Variants in SSU72 observed in about 807,000 individuals in gnomAD.
The protein encoded by SSU72 is SSU72 homolog, RNA polymerase II CTD phosphatase.
A neutral mutation model predicts 22.7 loss-of-function variants in SSU72; 12 were observed. The observed-to-expected ratio is 0.53, with a 90% CI of 0.34 to 0.86. The LOEUF is 0.86. Ranked by LOEUF, SSU72 falls within the 40% of genes least tolerant of loss-of-function variation. The pLI is 0.02. For synonymous variants in SSU72, 116 were observed against 98.3 expected (o/e 1.18, Z -1.06); for missense variants, 151 against 249.8 (o/e 0.60, Z 2.67).
rs1374518695 is a variant in SSU72 at position 1,574,429 on chromosome 1, G to C, written c.80+49C>G. Reference sequence around the variant, plus strand: ...CCAGGGGGAACCGGGGAGGAGGGAGGGCCGGTCGCCGGAGCAGAGCGCGCG... The same window carrying C: ...CCAGGGGGAACCGGGGAGGAGGGAGCGCCGGTCGCCGGAGCAGAGCGCGCG... On this transcript the variant is annotated intron_variant, in intron 1 of 4. Coordinates refer to ENST00000291386, the MANE Select transcript of SSU72 (RefSeq NM_014188.3). The C allele has an allele frequency of 2.6e-6, 4 of 1,544,694 alleles. No homozygotes were observed. In the East Asian group the frequency reaches 1.0e-4, roughly 40 times the overall value.
At position 1,552,511 on chromosome 1, in the gene SSU72, C is replaced by T. The variant is rs150635287; in HGVS notation, c.225-7509G>A. On this transcript the variant is annotated intron_variant, in intron 2 of 4. Transcript: ENST00000291386. ...GTCTTGGTGCCTGAGCTGTGCCCCA[C>T]GCCCAGAGGGCGATTCCTCCCGAGC... 1.9e-3 allele frequency among the ~76,000 whole-genome samples: 283 copies of T among 152,362 alleles called. 3 individuals carry two copies. The highest frequency in any genetic ancestry group is 6.7e-3 in the African/African-American group (277 of 41,594).
At chr1:1,572,884 G>T (rs1431048640) in intron 1 of SSU72, among the ~76,000 whole-genome samples, 3 of 147,518 alleles carry the variant, frequency 2.0e-5, no homozygotes, top group African/African-American at 4.9e-5. Flanking sequence ...TCTTGGGGGG[G>T]GGGGGGTGAG....
rs776496372 is a variant in SSU72, at chr1:1,564,707, G to C, written c.224+66C>G. The C allele has an allele frequency of 2.5e-6, 4 of 1,614,212 alleles. No individual in the cohort carries two copies. The South Asian group carries it at 4.4e-5, about 18-fold the overall frequency. ...AGGGTGACACGCCTCCTGTGCCCGAGCCACACGTAACACCTTCCAGGGAGG... is the reference window on the plus strand; with the variant it reads ...AGGGTGACACGCCTCCTGTGCCCGACCCACACGTAACACCTTCCAGGGAGG... On this transcript the variant is annotated intron_variant, in intron 2 of 4. Coordinates refer to ENST00000291386, the MANE Select transcript of SSU72 (RefSeq NM_014188.3).
At chr1:1,573,707 CG>C (rs1642768698) in intron 1 of SSU72, among the ~76,000 whole-genome samples, 2 of 152,072 alleles carry the variant, frequency 1.3e-5, no homozygotes, top group Admixed American at 1.3e-4. Flanking sequence ...AGAAGAGAAG[CG>C]AAACACTGTT....
At position 1,559,694 on chromosome 1, in the gene SSU72, G is replaced by C. The variant is rs140993994; in HGVS notation, c.224+5079C>G. On this transcript the variant is annotated intron_variant, in intron 2 of 4. Coordinates refer to ENST00000291386, the MANE Select transcript of SSU72 (RefSeq NM_014188.3). ...CCCGCCTCAGCCACCTGAGCAGCTG[G>C]GATTACAGGCACACGCCACCACACC... 2.0e-5 allele frequency among the ~76,000 whole-genome samples: 3 copies of C among 152,014 alleles called. No homozygotes were observed. The East Asian group carries it at 5.8e-4, about 30-fold the overall frequency.
intron 2 of SSU72, among the ~76,000 whole-genome samples, chr1:1,559,122 G>C (rs1156392609): frequency 6.6e-6 from 1 of 152,242 alleles, no homozygotes; most frequent in East Asian, 1.9e-4. Flanking sequence ...CACTGAGGCT[G>C]AGCGAGGAAA....
chr1:1,551,343 G>A (rs1642453026), intron 2 of SSU72, among the ~76,000 whole-genome samples: 1 of 152,224 alleles, frequency 6.6e-6, no homozygotes. Context: ...TGCCAGGCAT[G>A]GGGAGGACCC....
chr1:1,555,941 G>T (rs999192042), intron 2 of SSU72, among the ~76,000 whole-genome samples: 5 of 152,150 alleles, frequency 3.3e-5, no homozygotes, highest in African/African-American at 1.2e-4. Flanking sequence ...GCTACAGGGA[G>T]CTATGATGTT....
intron 1 of SSU72, 83 bp from the exon 2 acceptor site, chr1:1,564,999 A>G (rs1416139471): frequency 6.7e-7 from 1 of 1,489,554 alleles, no homozygotes; most frequent in African/African-American, 1.4e-5. Flanking sequence ...TGGGATAGAA[A>G]CAAAATGAGT....
Position 1,541,953 on chromosome 1 carries a change from T to A in SSU72, c.*113A>T. 1 of 965,166 alleles carries A rather than the reference T, an allele frequency of 1.0e-6. No homozygotes were observed. The highest frequency in any genetic ancestry group is 1.6e-6 in the Non-Finnish European group (1 of 635,604). The allele number at this position is 965,166 out of a possible 1,614,324, so 59.8% of individuals were successfully genotyped here. ...TCTCCCATTTCATATGCACAGTTTA[T>A]TTGGGTAATGCTACCGTCACCAGCA... On this transcript the variant is annotated 3_prime_UTR_variant, in exon 5 of 5. Transcript: ENST00000291386.
intron 2 of SSU72, chr1:1,561,014 G>A (rs1432144194): frequency 6.6e-6 from 1 of 152,250 alleles, no homozygotes; most frequent in Non-Finnish European, 1.5e-5. Flanking sequence ...GCAGATGGCA[G>A]TGGTGGGGTC....
intron 1 of SSU72, among the ~76,000 whole-genome samples, chr1:1,572,478 A>G (rs903986880): frequency 8.0e-5 from 12 of 150,156 alleles, no homozygotes; most frequent in African/African-American, 2.9e-4. Flanking sequence ...TTTATTTGAG[A>G]TGGAGTCTTG....
chr1:1,574,042 AAG>A (rs1642773581), intron 1 of SSU72, among the ~76,000 whole-genome samples: 1 of 135,736 alleles, frequency 7.4e-6, no homozygotes, highest in Non-Finnish European at 1.5e-5. Flanking sequence ...AAAGAAGAAG[AAG>A]TAGCAAACAC....
intron 1 of SSU72, among the ~76,000 whole-genome samples, chr1:1,566,532 C>T (rs1171595186): frequency 2.0e-5 from 3 of 152,018 alleles, no homozygotes; most frequent in Non-Finnish European, 4.4e-5. Context: ...CACACAGACA[C>T]GTGAGGAGTT....
chr1:1,542,017 A>T lies in SSU72; in HGVS notation c.*49T>A, dbSNP rs972950499. On this transcript the variant is annotated 3_prime_UTR_variant, in exon 5 of 5. Transcript: ENST00000291386. The surrounding 1 kb of genome is among the most constrained non-coding windows in gnomAD (Gnocchi z 4.4). ...TAAAAACAAATGTCAGGAAGGAAAA[A>T]GTATGAACAACAGGAAGCTCCAGAG... The T allele has an allele frequency of 6.6e-6, 10 of 1,523,080 alleles. No individual in the cohort carries two copies. The highest frequency in any genetic ancestry group is 1.4e-5 in the African/African-American group (1 of 72,472). The allele number at this position is 1,523,080 out of a possible 1,614,324, so 94.3% of individuals were successfully genotyped here.
At chr1:1,545,460 C>CA (rs1259650253) in intron 2 of SSU72, 6 of 162,422 alleles carry the variant, frequency 3.7e-5, no homozygotes, top group Non-Finnish European at 8.0e-5. Flanking sequence ...CCCGGAAACC[C>CA]AGTCCCCAGT....
chr1:1,563,501 C>T (rs1642621206), intron 2 of SSU72: 1 of 140,164 alleles, frequency 7.1e-6, no homozygotes, highest in African/African-American at 2.8e-5. Flanking sequence ...CGCTACACTC[C>T]ACCTTGGGCA....
At chr1:1,564,369 G>A (rs146184020) in intron 2 of SSU72, 102 of 1,147,012 alleles carry the variant, frequency 8.9e-5, no homozygotes, top group Middle Eastern at 3.0e-4. Flanking sequence ...GAAGCAGCCC[G>A]GCTCCATGTG....
chr1:1,557,153 C>T (rs1642531724), intron 2 of SSU72, among the ~76,000 whole-genome samples: 1 of 152,212 alleles, frequency 6.6e-6, no homozygotes. Context: ...TGGCTCACAC[C>T]TGTAATCCCA....
Sources: gnomAD v4.1 joint callset for allele counts (sites outside exome capture counted in the v4.1 genomes callset) on GRCh38, gnomAD v4.1.1 for gene constraint, Gnocchi (gnomAD v3.1) non-coding constraint, MANE v1.5 for transcripts, NCBI Gene and HGNC (gene_info 2026-07-23, HGNC 2026-07-21) for gene names.